The following CYP39A1 variants were observed in gnomAD, a reference collection of about 807,000 sequenced individuals.
CYP39A1 encodes the protein 24-hydroxycholesterol 7-alpha-hydroxylase.
CYP39A1 carries 49 observed loss-of-function variants against 58.1 expected under a neutral mutation model. The ratio of observed to expected loss-of-function variants is 0.84; its 90% CI spans 0.67 to 1.07. CYP39A1 has a LOEUF of 1.07. Ranked by LOEUF, CYP39A1 falls within the 50% of genes least tolerant of loss-of-function variation. CYP39A1 has a pLI of 0.00. For missense variants in CYP39A1, 531 were observed against 539.4 expected (o/e 0.98, Z 0.16); for synonymous variants, 209 against 187.6 (o/e 1.11, Z -0.93).
rs34861937 is a variant in CYP39A1, at chr6:46,596,124, TA to T, written c.932-5del. 1.9e-6 allele frequency: 3 copies of T among 1,591,760 alleles called. No homozygotes were observed. The highest frequency in any genetic ancestry group is 2.3e-5 in the South Asian group (2 of 86,508). On this transcript the variant is annotated splice_polypyrimidine_tract_variant and splice_region_variant and intron_variant, in intron 7 of 11. Coordinates refer to ENST00000275016, the MANE Select transcript of CYP39A1 (RefSeq NM_016593.5). ...GACACTTTAATCTTATCTTTGCCTGTAAAAAAATTTTTAATGAGAAATAAAT... is the reference window on the plus strand; with the variant it reads ...GACACTTTAATCTTATCTTTGCCTGTAAAAAATTTTTAATGAGAAATAAAT...
chr6:46,637,437 G>A lies in CYP39A1; in HGVS notation c.638+392C>T, dbSNP rs114336457. Among the ~76,000 whole-genome samples, 500 of 152,338 alleles carry A rather than the reference G, an allele frequency of 3.3e-3. 2 individuals are homozygous for A. Among genetic ancestry groups the A allele is most frequent in the African/African-American group, 0.011 (477 of 41,572 alleles). ...TTTGTCTGAACCAACTGTGAGAAATGCATTTAACCACGCCCATGTTTGCCT... is the reference window on the plus strand; with the variant it reads ...TTTGTCTGAACCAACTGTGAGAAATACATTTAACCACGCCCATGTTTGCCT... On this transcript the variant is annotated intron_variant, in intron 4 of 11. Transcript: ENST00000275016.
At chr6:46,574,986 A>G (rs891469301) in intron 10 of CYP39A1, among the ~76,000 whole-genome samples, 2 of 152,014 alleles carry the variant, frequency 1.3e-5, no homozygotes, top group Non-Finnish European at 2.9e-5. Context: ...AAGGACACAG[A>G]CCATAGGCTG....
intron 10 of CYP39A1, among the ~76,000 whole-genome samples, chr6:46,575,843 G>T (rs1771818082): frequency 6.6e-6 from 1 of 152,128 alleles, no homozygotes; most frequent in African/African-American, 2.4e-5. Context: ...AAAATATCCA[G>T]ATATGAAGCC....
chr6:46,576,196 A>G (rs1382334709), intron 10 of CYP39A1, among the ~76,000 whole-genome samples: 1 of 152,198 alleles, frequency 6.6e-6, no homozygotes, highest in Non-Finnish European at 1.5e-5. Context: ...GACAGAGCCA[A>G]GAGGGATGGT....
intron 10 of CYP39A1, 100 bp from the exon 11 acceptor site, chr6:46,553,954 G>T: frequency 1.3e-6 from 1 of 764,270 alleles, no homozygotes; most frequent in Non-Finnish European, 2.1e-6. Flanking sequence ...GAGTAAACAT[G>T]CTCTTCTTTA....
intron 10 of CYP39A1, chr6:46,583,060 C>T: frequency 1.0e-6 from 1 of 985,138 alleles, no homozygotes; most frequent in Non-Finnish European, 1.2e-6. Context: ...GACTTTGTGG[C>T]CTAGGACTCC....
chr6:46,621,639 C>T (rs756176838), intron 7 of CYP39A1, among the ~76,000 whole-genome samples: 7 of 151,922 alleles, frequency 4.6e-5, no homozygotes, highest in Non-Finnish European at 2.9e-5. Flanking sequence ...TCTAAATAGA[C>T]CAGTAACAAG....
chr6:46,627,140 T>G (rs1243664924), intron 6 of CYP39A1, among the ~76,000 whole-genome samples: 1 of 152,088 alleles, frequency 6.6e-6, no homozygotes, highest in East Asian at 1.9e-4. Context: ...GAGAACTCAC[T>G]CACTATCACA....
chr6:46,585,320 GGT>G (rs1561966368), intron 10 of CYP39A1, among the ~76,000 whole-genome samples: 2 of 136,326 alleles, frequency 1.5e-5, no homozygotes, highest in East Asian at 4.4e-4. Context: ...AGTTGCTATT[GGT>G]ATAGATAGAT....
At chr6:46,584,808 C>T (rs919717817) in intron 10 of CYP39A1, among the ~76,000 whole-genome samples, 1 of 152,130 alleles carries the variant, frequency 6.6e-6, no homozygotes, top group African/African-American at 2.4e-5. Flanking sequence ...GCCACTTTCC[C>T]CAGGAAATCT....
intron 7 of CYP39A1, among the ~76,000 whole-genome samples, chr6:46,600,821 A>G (rs1290942441): frequency 6.6e-6 from 1 of 152,200 alleles, no homozygotes; most frequent in Non-Finnish European, 1.5e-5. Context: ...TGAACCAGAA[A>G]TAGTAAGCAT....
At chr6:46,633,843 C>A (rs925304228) in intron 5 of CYP39A1, among the ~76,000 whole-genome samples, 1 of 151,586 alleles carries the variant, frequency 6.6e-6, no homozygotes, top group African/African-American at 2.4e-5. Context: ...GGTGACAGAG[C>A]AAGACTCCAT....
At chr6:46,650,393 T>TTA (rs397700989) in intron 1 of CYP39A1, among the ~76,000 whole-genome samples, 5 of 150,280 alleles carry the variant, frequency 3.3e-5, no homozygotes, top group Non-Finnish European at 3.0e-5. Flanking sequence ...CTTTTTTTTT[T>TTA]ATCATACTGC....
intron 10 of CYP39A1, among the ~76,000 whole-genome samples, chr6:46,576,947 C>T (rs1477758205): frequency 1.3e-5 from 2 of 152,126 alleles, no homozygotes; most frequent in Non-Finnish European, 2.9e-5. Context: ...CAAAGATTTC[C>T]TCAACTTCAC....
Position 46,579,293 on chromosome 6 carries a change from C to T in CYP39A1, c.1250+7784G>A, listed in dbSNP as rs114615559. Among the ~76,000 whole-genome samples, 491 of 152,010 alleles carry T rather than the reference C, an allele frequency of 3.2e-3. 3 individuals are homozygous for T. The highest frequency in any genetic ancestry group is 0.019 in the South Asian group (90 of 4,816). On this transcript the variant is annotated intron_variant, in intron 10 of 11. Coordinates refer to ENST00000275016, the MANE Select transcript of CYP39A1 (RefSeq NM_016593.5). ...TCTCAATAGATGCAGAAAAGGCCTT[C>T]GATAAAATTCCACATTCCTTCATGT...
chr6:46,613,666 C>G (rs1203252824), intron 7 of CYP39A1, among the ~76,000 whole-genome samples: 11 of 146,840 alleles, frequency 7.5e-5, no homozygotes, highest in Non-Finnish European at 1.6e-4. Context: ...AAGTCAAATG[C>G]AAAAGTGAAA....
At position 46,597,580 on chromosome 6, in the gene CYP39A1, A is replaced by G. The variant is rs560428973; in HGVS notation, c.932-1460T>C. Among the ~76,000 whole-genome samples the G allele has an allele frequency of 5.3e-5, 8 of 152,236 alleles. 2 individuals are homozygous for G. In the South Asian group the frequency reaches 1.7e-3, roughly 32 times the overall value. On this transcript the variant is annotated intron_variant, in intron 7 of 11. Coordinates refer to ENST00000275016, the MANE Select transcript of CYP39A1 (RefSeq NM_016593.5). ...AATTAGCAAATGGTCCAACTTCAAC[A>G]TAGGGAGGTGAATGGGTGGATATTT...
intron 1 of CYP39A1, 47 bp downstream of exon 1, chr6:46,652,359 A>G: frequency 6.5e-7 from 1 of 1,536,936 alleles, no homozygotes; most frequent in Non-Finnish European, 8.7e-7. Flanking sequence ...AGTTTAAAAA[A>G]GAAAGCATTG....
intron 7 of CYP39A1, among the ~76,000 whole-genome samples, chr6:46,599,058 G>A (rs9472787): frequency 0.071 from 10,828 of 152,092 alleles, 885 homozygotes; most frequent in African/African-American, 0.2. Flanking sequence ...AGAGATTGGC[G>A]TGTGGGGTTG....
Sources: allele counts gnomAD v4.1 joint callset (sites outside exome capture counted in the v4.1 genomes callset), GRCh38; gene constraint gnomAD v4.1.1; transcripts MANE v1.5; gene names NCBI Gene and HGNC (gene_info 2026-07-23, HGNC 2026-07-21).